Variants in SEC24D observed in about 807,000 individuals in gnomAD.
SEC24D encodes protein transport protein Sec24D.
SEC24D carries 69 observed loss-of-function variants against 116.9 expected under a neutral mutation model. The observed-to-expected ratio is 0.59, with a 90% CI of 0.49 to 0.72. The LOEUF (loss-of-function observed/expected upper bound fraction) is 0.72, where lower values mean the gene tolerates loss of function less well. SEC24D is among the 30% of genes least tolerant of loss of function. SEC24D has a pLI of 0.00. For missense variants in SEC24D, 1,131 were observed against 1,264.1 expected (o/e 0.89, Z 1.60); for synonymous variants, 405 against 442.8 (o/e 0.91, Z 1.07).
chr4:118,823,447 A>G (rs1730478855), intron 3 of SEC24D, among the ~76,000 whole-genome samples: 1 of 152,178 alleles, frequency 6.6e-6, no homozygotes, highest in Non-Finnish European at 1.5e-5. Flanking sequence ...AGGCTTCACC[A>G]TTAGGAGGAT....
At chr4:118,770,046 T>C (rs898918095) in intron 8 of SEC24D, among the ~76,000 whole-genome samples, 4 of 152,190 alleles carry the variant, frequency 2.6e-5, no homozygotes, top group African/African-American at 9.7e-5. Context: ...TGGTCAGTTA[T>C]TGTAAAAACA....
Position 118,768,195 on chromosome 4 carries a change from T to C in SEC24D, c.1158A>G (p.Gly386=), listed in dbSNP as rs1473001497. The C allele has an allele frequency of 6.2e-7, 1 of 1,613,608 alleles. No homozygotes were observed. The highest frequency in any genetic ancestry group is 1.1e-5 in the South Asian group (1 of 90,992). Residue 386 remains glycine, a synonymous_variant, in exon 9 of 23, where the codon GGA becomes GGG. Transcript: ENST00000280551. ...FIEGGRRYQC[G]FCNCVNDVPP... ...TACCATCATTCACACAGTTGCAAAA[T>C]CCACACTGATATCTCCTTCCTCCTT...
intron 8 of SEC24D, among the ~76,000 whole-genome samples, chr4:118,783,504 C>A (rs1728523145): frequency 1.3e-5 from 2 of 152,170 alleles, no homozygotes; most frequent in South Asian, 4.1e-4. Flanking sequence ...AGAACAGTAT[C>A]CAGCACATAC....
chr4:118,808,585 TTTTA>T (rs1318606489), intron 6 of SEC24D, among the ~76,000 whole-genome samples: 2 of 152,338 alleles, frequency 1.3e-5, no homozygotes, highest in Admixed American at 6.5e-5. Context: ...ACTATACCTT[TTTTA>T]TTTACCTCAA....
Position 118,778,830 on chromosome 4 carries a change from T to C in SEC24D, c.1042-10519A>G, listed in dbSNP as rs986143950. On this transcript the variant is annotated intron_variant, in intron 8 of 22. Coordinates refer to ENST00000280551, the MANE Select transcript of SEC24D (RefSeq NM_014822.4). ...AGAGGTCCTTCACATCCCTTGTAAG[T>C]TGGATTCCTAGGTATTTTATTCTCT... is the stretch of plus-strand genomic sequence containing the variant. Among the ~76,000 whole-genome samples, 15 of 152,296 alleles carry C rather than the reference T, an allele frequency of 9.8e-5. No homozygotes were observed. The South Asian group carries it at 2.1e-3, about 21-fold the overall frequency.
chr4:118,739,999 C>T (rs1394554584), intron 17 of SEC24D, among the ~76,000 whole-genome samples: 1 of 152,106 alleles, frequency 6.6e-6, no homozygotes, highest in African/African-American at 2.4e-5. Flanking sequence ...AATGTCCTAA[C>T]CCCCTAGTAC....
At chr4:118,732,305 T>A (rs1054185577) in intron 20 of SEC24D, among the ~76,000 whole-genome samples, 1 of 151,614 alleles carries the variant, frequency 6.6e-6, no homozygotes, top group Non-Finnish European at 1.5e-5. Context: ...CCCGGCTAAT[T>A]TTTTTGTATT....
In SEC24D at chr4:118,768,377, G is replaced by T; in HGVS notation, c.1042-66C>A. 5 of 1,333,666 alleles carry T rather than the reference G, an allele frequency of 3.7e-6. No homozygotes were observed. The South Asian group carries it at 6.8e-5, about 18-fold the overall frequency. 82.6% of individuals were successfully genotyped at this position (1,333,666 alleles called of 1,614,324 possible). ...AGGATTTCTAGGTACTATAATTTGG[G>T]AAGTCTTTTAATGGCACTTTTTTTT... On this transcript the variant is annotated intron_variant, in intron 8 of 22. Transcript: ENST00000280551.
Position 118,744,123 on chromosome 4 carries a change from T to G in SEC24D, c.1860A>C (p.Ser620=), listed in dbSNP as rs745635904. 5 of 1,610,688 alleles carry G rather than the reference T, an allele frequency of 3.1e-6. No individual in the cohort carries two copies. The South Asian group carries it at 5.5e-5, about 18-fold the overall frequency. Residue 620 remains serine, a synonymous_variant, in exon 15 of 23, where the codon TCA becomes TCC. Coordinates refer to ENST00000280551, the MANE Select transcript of SEC24D (RefSeq NM_014822.4). The part of the protein sequence containing the change: ...LFQPQTNVYD[S]LAKDCVAHGC... ...CGTGAGCCACGCAGTCCTTGGCCAATGAGTCATAGACATTTGTTTGGGGCT... is the reference window on the plus strand; with the variant it reads ...CGTGAGCCACGCAGTCCTTGGCCAAGGAGTCATAGACATTTGTTTGGGGCT...
intron 9 of SEC24D, among the ~76,000 whole-genome samples, chr4:118,765,499 G>A (rs1285015857): frequency 6.6e-6 from 1 of 152,140 alleles, no homozygotes; most frequent in African/African-American, 2.4e-5. Context: ...GGTTAGTTCT[G>A]GCAAAGATCT....
intron 8 of SEC24D, among the ~76,000 whole-genome samples, chr4:118,792,971 C>T (rs544207520): frequency 1.5e-4 from 23 of 152,308 alleles, no homozygotes; most frequent in Non-Finnish European, 2.8e-4. Context: ...TCAGTAGCAA[C>T]AGCAGCTGTT....
chr4:118,736,892 A>G (rs1725992171), intron 19 of SEC24D, among the ~76,000 whole-genome samples: 1 of 152,228 alleles, frequency 6.6e-6, no homozygotes, highest in Admixed American at 6.5e-5. Context: ...GGTAGAGGCA[A>G]TGCTTTTAAC....
chr4:118,764,083 T>C lies in SEC24D; in HGVS notation c.1296+719A>G, dbSNP rs149458445. Among the ~76,000 whole-genome samples, 502 of 152,208 alleles carry C rather than the reference T, an allele frequency of 3.3e-3. 3 individuals carry two copies. The highest frequency in any genetic ancestry group is 0.011 in the African/African-American group (471 of 41,552). ...CAGATGAACATCTGGTATAAAGGCATGGAGTTGTCAAAGGGGCTGAGTTCA... is the reference window on the plus strand; with the variant it reads ...CAGATGAACATCTGGTATAAAGGCACGGAGTTGTCAAAGGGGCTGAGTTCA... On this transcript the variant is annotated intron_variant, in intron 10 of 22. Coordinates refer to ENST00000280551, the MANE Select transcript of SEC24D (RefSeq NM_014822.4).
At chr4:118,780,820 C>A (rs1448043031) in intron 8 of SEC24D, among the ~76,000 whole-genome samples, 1 of 151,768 alleles carries the variant, frequency 6.6e-6, no homozygotes, top group Non-Finnish European at 1.5e-5. Context: ...TTGAATTGAT[C>A]CCTTTACCAT....
At chr4:118,735,214 T>C (rs1290828025) in intron 19 of SEC24D, among the ~76,000 whole-genome samples, 1 of 151,888 alleles carries the variant, frequency 6.6e-6, no homozygotes. Context: ...AGGTGGTAAA[T>C]GAGAAGGAAA....
At chr4:118,758,861 C>T (rs1010074249) in intron 10 of SEC24D, among the ~76,000 whole-genome samples, 3 of 152,134 alleles carry the variant, frequency 2.0e-5, no homozygotes, top group African/African-American at 7.2e-5. Context: ...CTGAAAACTT[C>T]AAGCCTTTGC....
intron 1 of SEC24D, among the ~76,000 whole-genome samples, chr4:118,834,248 C>T (rs762069905): frequency 6.6e-6 from 1 of 152,224 alleles, no homozygotes; most frequent in Non-Finnish European, 1.5e-5. Context: ...AACATAGCAA[C>T]AGACAACGTT....
intron 19 of SEC24D, 29 bp downstream of exon 19, chr4:118,738,232 T>G: frequency 6.9e-7 from 1 of 1,441,658 alleles, no homozygotes; most frequent in Non-Finnish European, 9.8e-7. Flanking sequence ...TTGTAACACT[T>G]TAACATCTAT....
In SEC24D at chr4:118,740,912, A is replaced by G. The variant is rs1285306712; in HGVS notation, c.2092+29T>C. 4 of 1,583,554 alleles carry G rather than the reference A, an allele frequency of 2.5e-6. No individual in the cohort carries two copies. In the Admixed American group the frequency reaches 5.2e-5, roughly 20 times the overall value. On this transcript the variant is annotated intron_variant, in intron 16 of 22. Transcript: ENST00000280551. Reference sequence around the variant, plus strand: ...AAAAAGAAACAATTATTCAAGAGAGACCCGAAGAATTGTATAAATGATAAT... The same window carrying G: ...AAAAAGAAACAATTATTCAAGAGAGGCCCGAAGAATTGTATAAATGATAAT...
Sources: gnomAD v4.1 joint callset for allele counts (sites outside exome capture counted in the v4.1 genomes callset) on GRCh38, gnomAD v4.1.1 for gene constraint, MANE v1.5 for transcripts, NCBI Gene and HGNC (gene_info 2026-07-23, HGNC 2026-07-21) for gene names.